The following HSPA12A variants were observed in gnomAD, a reference collection of about 807,000 sequenced individuals.
The protein encoded by HSPA12A is heat shock protein family A (Hsp70) member 12A.
In HSPA12A, 28 loss-of-function variants were observed where a neutral mutation model predicts 69.2. The observed-to-expected ratio is 0.40, with a 90% CI of 0.30 to 0.55. The LOEUF is 0.55. Among genes scored for constraint, HSPA12A ranks in the 20% least tolerant of loss-of-function variants. The probability of loss-of-function intolerance (pLI) is 0.38; values close to 1 mark genes in which losing one functional copy is unlikely to be tolerated. For missense variants in HSPA12A, 686 were observed against 900.7 expected, an observed-to-expected ratio of 0.76 and a Z score of 3.05; for synonymous variants, 345 against 370.5, an observed-to-expected ratio of 0.93 and a Z score of 0.79.
chr10:116,731,303 G>A (rs1851146295), intron 1 of HSPA12A, among the ~76,000 whole-genome samples: 1 of 152,244 alleles, frequency 6.6e-6, no homozygotes, highest in Non-Finnish European at 1.5e-5. Flanking sequence ...CAGGGATGGT[G>A]CCCAGAACTT....
chr10:116,805,205 A>G (rs1418105638), intron 2 of HSPA12A, among the ~76,000 whole-genome samples: 1 of 152,098 alleles, frequency 6.6e-6, no homozygotes, highest in African/African-American at 2.4e-5. Context: ...AGTCCCAGCT[A>G]CTTGGGAGGC....
At chr10:116,679,401 T>A in intron 10 of HSPA12A, 102 bp downstream of exon 10, 2 of 1,400,300 alleles carry the variant, frequency 1.4e-6, no homozygotes, top group Non-Finnish European at 2.0e-6. Flanking sequence ...ATACAGCAAG[T>A]GTGTAGGATT....
chr10:116,732,481 A>G (rs1278995165), intron 1 of HSPA12A, among the ~76,000 whole-genome samples: 1 of 152,098 alleles, frequency 6.6e-6, no homozygotes, highest in Non-Finnish European at 1.5e-5. Context: ...CTCTAGCCAG[A>G]GAAGGTTTAC....
chr10:116,698,899 T>G (rs2132959381), intron 4 of HSPA12A, among the ~76,000 whole-genome samples, 160 bp from the exon 5 acceptor site: 1 of 152,230 alleles, frequency 6.6e-6, no homozygotes, highest in South Asian at 2.1e-4. Flanking sequence ...TCCCCCAAAA[T>G]GGGGGCTGGC....
At chr10:116,738,786 A>G (rs1851391258) in intron 1 of HSPA12A, among the ~76,000 whole-genome samples, 1 of 152,142 alleles carries the variant, frequency 6.6e-6, no homozygotes. Flanking sequence ...CTTGCTAAAC[A>G]AAGAGAGGAT....
At chr10:116,699,251 C>T (rs1312048483) in intron 4 of HSPA12A, among the ~76,000 whole-genome samples, 4 of 152,222 alleles carry the variant, frequency 2.6e-5, no homozygotes, top group Non-Finnish European at 4.4e-5. Flanking sequence ...TATTTTAAGG[C>T]TTGCCCTATC....
intron 3 of HSPA12A, among the ~76,000 whole-genome samples, chr10:116,704,648 C>T (rs1429286262): frequency 6.6e-6 from 1 of 152,044 alleles, no homozygotes; most frequent in Non-Finnish European, 1.5e-5. Flanking sequence ...AAAGGGCCAG[C>T]ACCTTCCCTG....
At position 116,836,892 on chromosome 10, in the gene HSPA12A, T is replaced by C. The variant is rs149783496; in HGVS notation, c.4-1870A>G. ...CATGCCATTCTTCTCTGAGAGGCCA[T>C]GAATTTGGAGGGACACCCATATAGG... is the stretch of plus-strand genomic sequence containing the variant. On this transcript the variant is annotated intron_variant, in intron 1 of 12. Transcript: ENST00000635765. 3.3e-3 allele frequency among the ~76,000 whole-genome samples: 499 copies of C among 151,926 alleles called. 2 individuals carry two copies. Among genetic ancestry groups the C allele is most frequent in the African/African-American group, 0.012 (489 of 41,320 alleles).
chr10:116,771,728 T>C lies in HSPA12A; in HGVS notation c.91+63207A>G, dbSNP rs542824833. Among the ~76,000 whole-genome samples the C allele has an allele frequency of 3.9e-5, 6 of 152,262 alleles. No homozygotes were observed. The East Asian group carries it at 9.7e-4, about 25-fold the overall frequency. On this transcript the variant is annotated intron_variant, in intron 2 of 12. Coordinates refer to the HSPA12A transcript ENST00000635765. Reference sequence around the variant, plus strand: ...TCTCTCTGCAGTGGATGGAGGTTTCTCTCCCAAACAAGGGGCGCTTGCTTG... The same window carrying C: ...TCTCTCTGCAGTGGATGGAGGTTTCCCTCCCAAACAAGGGGCGCTTGCTTG...
At position 116,676,664 on chromosome 10, in the gene HSPA12A, C is replaced by T. The variant is rs76765419; in HGVS notation, c.1287-162G>A. On this transcript the variant is annotated intron_variant, in intron 10 of 11. Transcript: ENST00000369209. ...CTTTGGAAACCCTAAACTGCCAGGA[C>T]CTGGACCCTTAGAAGCTCAAAAGCT... Among the ~76,000 whole-genome samples, 572 of 152,294 alleles carry T rather than the reference C, an allele frequency of 3.8e-3. 7 individuals are homozygous for T. The highest frequency in any genetic ancestry group is 0.012 in the African/African-American group (491 of 41,560).
chr10:116,827,056 G>A (rs1217828772), intron 2 of HSPA12A, among the ~76,000 whole-genome samples: 12 of 152,148 alleles, frequency 7.9e-5, no homozygotes, highest in Non-Finnish European at 1.6e-4. Flanking sequence ...GCAGATGTTG[G>A]CTGAATGAAT....
At chr10:116,770,652 G>A (rs1844183296) in intron 2 of HSPA12A, among the ~76,000 whole-genome samples, 1 of 152,136 alleles carries the variant, frequency 6.6e-6, no homozygotes, top group African/African-American at 2.4e-5. Flanking sequence ...GAGTGCTAGA[G>A]TCTGCTCTTC....
intron 6 of HSPA12A, among the ~76,000 whole-genome samples, chr10:116,691,049 G>A (rs1291903533): frequency 1.3e-5 from 2 of 152,208 alleles, no homozygotes; most frequent in African/African-American, 2.4e-5. Flanking sequence ...TCTGTGAATG[G>A]CTAAACTGCA....
At chr10:116,740,874 G>A (rs1851478340) in intron 1 of HSPA12A, among the ~76,000 whole-genome samples, 1 of 148,920 alleles carries the variant, frequency 6.7e-6, no homozygotes, top group Non-Finnish European at 1.5e-5. Context: ...GCAAGAAACT[G>A]GCTCAGTAAT....
At chr10:116,697,003 C>T (rs1230947497) in intron 5 of HSPA12A, among the ~76,000 whole-genome samples, 1 of 152,126 alleles carries the variant, frequency 6.6e-6, no homozygotes, top group Non-Finnish European at 1.5e-5. Flanking sequence ...ACAGTTACCC[C>T]CTCACCACTC....
At chr10:116,694,292 G>T (rs1554880453) in intron 5 of HSPA12A, among the ~76,000 whole-genome samples, 2 of 151,978 alleles carry the variant, frequency 1.3e-5, no homozygotes, top group African/African-American at 4.8e-5. Context: ...TCCTGCCTTT[G>T]CTTATTCCAG....
At chr10:116,833,637 A>G (rs1845660237) in intron 2 of HSPA12A, among the ~76,000 whole-genome samples, 1 of 152,200 alleles carries the variant, frequency 6.6e-6, no homozygotes, top group African/African-American at 2.4e-5. Flanking sequence ...AGCACCTACG[A>G]TGTGACAGGC....
intron 2 of HSPA12A, among the ~76,000 whole-genome samples, chr10:116,823,382 TAC>T (rs1845440705): frequency 6.6e-6 from 1 of 152,264 alleles, no homozygotes; most frequent in African/African-American, 2.4e-5. Flanking sequence ...CCAAATGATC[TAC>T]AGTCTCAACA....
At chr10:116,771,226 C>A (rs948249925) in intron 2 of HSPA12A, among the ~76,000 whole-genome samples, 10 of 152,214 alleles carry the variant, frequency 6.6e-5, no homozygotes, top group African/African-American at 2.4e-4. Context: ...TGGGCTGCCC[C>A]AGTGACACGC....
Sources: allele counts gnomAD v4.1 joint callset (sites outside exome capture counted in the v4.1 genomes callset), GRCh38; gene constraint gnomAD v4.1.1; transcripts MANE v1.5; gene names NCBI Gene and HGNC (gene_info 2026-07-23, HGNC 2026-07-21).